The following MLIP variants were observed in gnomAD, a reference collection of about 807,000 sequenced individuals.
The protein encoded by MLIP is muscular LMNA interacting protein.
MLIP carries 79 observed loss-of-function variants against 84.8 expected under a neutral mutation model. The observed-to-expected ratio is 0.93, with a 90% CI of 0.78 to 1.12. The LOEUF is 1.12. MLIP is among the 50% of genes most tolerant of loss of function. The probability of loss-of-function intolerance (pLI) is 0.00; values close to 1 mark genes in which losing one functional copy is unlikely to be tolerated. For missense variants in MLIP, 1,257 were observed against 1,160.6 expected, an observed-to-expected ratio of 1.08 and a Z score of -1.21; for synonymous variants, 504 against 463.0, an observed-to-expected ratio of 1.09 and a Z score of -1.14.
chr6:54,238,165 A>G (rs1781491756), intron 12 of MLIP, among the ~76,000 whole-genome samples: 1 of 152,170 alleles, frequency 6.6e-6, no homozygotes, highest in Non-Finnish European at 1.5e-5. Context: ...GCTCATTTAG[A>G]AAAATAATAT....
At chr6:54,231,447 C>T (rs900580863) in intron 12 of MLIP, among the ~76,000 whole-genome samples, 6 of 147,774 alleles carry the variant, frequency 4.1e-5, no homozygotes, top group African/African-American at 7.4e-5. Flanking sequence ...TGAAGTGTTT[C>T]GTACCTGAAG....
At chr6:54,262,914 T>C (rs1783478820) in intron 13 of MLIP, among the ~76,000 whole-genome samples, 1 of 151,990 alleles carries the variant, frequency 6.6e-6, no homozygotes, top group African/African-American at 2.4e-5. Context: ...TCAGAGAGAG[T>C]CTGGTTCTGA....
chr6:54,036,528 G>T (rs1415622660), intron 1 of MLIP, among the ~76,000 whole-genome samples: 1 of 151,902 alleles, frequency 6.6e-6, no homozygotes, highest in Non-Finnish European at 1.5e-5. Context: ...CTCTGGAATG[G>T]CTGTTCCCAA....
At chr6:54,182,063 T>C (rs1776928239) in intron 9 of MLIP, among the ~76,000 whole-genome samples, 1 of 152,200 alleles carries the variant, frequency 6.6e-6, no homozygotes, top group Non-Finnish European at 1.5e-5. Flanking sequence ...GGCTCTGAGC[T>C]CAGTGCAGTA....
intron 11 of MLIP, among the ~76,000 whole-genome samples, chr6:54,228,307 G>A (rs571366446): frequency 2.2e-4 from 33 of 151,012 alleles, no homozygotes; most frequent in Non-Finnish European, 7.4e-5. Flanking sequence ...GGATCATAAT[G>A]TATACAAACA....
intron 4 of MLIP, among the ~76,000 whole-genome samples, chr6:54,140,648 T>C (rs1264537895): frequency 6.6e-6 from 1 of 152,190 alleles, no homozygotes; most frequent in African/African-American, 2.4e-5. Context: ...TCTTGCTATA[T>C]TATCTCTTTA....
chr6:54,052,902 T>C (rs114324291), intron 1 of MLIP, among the ~76,000 whole-genome samples: 1 of 152,198 alleles, frequency 6.6e-6, no homozygotes, highest in Non-Finnish European at 1.5e-5. Context: ...GGTCTCATAT[T>C]AATATGCTGG....
chr6:54,209,542 C>A (rs1339726493), intron 11 of MLIP, among the ~76,000 whole-genome samples: 1 of 152,040 alleles, frequency 6.6e-6, no homozygotes, highest in Non-Finnish European at 1.5e-5. Flanking sequence ...GAAAGGGAGA[C>A]CTATACTAAG....
At chr6:54,099,982 G>A (rs775313001) in intron 1 of MLIP, among the ~76,000 whole-genome samples, 4 of 152,104 alleles carry the variant, frequency 2.6e-5, no homozygotes, top group Admixed American at 1.3e-4. Flanking sequence ...TTCAGTAATC[G>A]TTTTTATGAA....
At chr6:54,235,368 A>G (rs1484458068) in intron 12 of MLIP, among the ~76,000 whole-genome samples, 3 of 152,182 alleles carry the variant, frequency 2.0e-5, no homozygotes, top group African/African-American at 7.2e-5. Flanking sequence ...TTGTACTTTA[A>G]GTCCAAGTTA....
At chr6:54,150,516 A>G (rs1773331793) in intron 5 of MLIP, among the ~76,000 whole-genome samples, 1 of 152,152 alleles carries the variant, frequency 6.6e-6, no homozygotes, top group Admixed American at 6.5e-5. Flanking sequence ...CCTGGTCACA[A>G]GTGTGTGCTT....
At chr6:54,235,935 A>G (rs1047651479) in intron 12 of MLIP, among the ~76,000 whole-genome samples, 1 of 152,134 alleles carries the variant, frequency 6.6e-6, no homozygotes, top group African/African-American at 2.4e-5. Flanking sequence ...CTAGCATGGC[A>G]TGTCCTTATC....
upstream of MLIP, chr6:54,111,372 T>G (rs1176891249): frequency 6.8e-7 from 1 of 1,474,444 alleles, no homozygotes; most frequent in Admixed American, 2.3e-5. Flanking sequence ...CTGCTTTACC[T>G]CTTTTTAGAA....
chr6:54,054,440 A>C (rs1765536213), intron 1 of MLIP, among the ~76,000 whole-genome samples: 1 of 152,018 alleles, frequency 6.6e-6, no homozygotes, highest in Admixed American at 6.6e-5. Flanking sequence ...CAAAAAAAAA[A>C]AAAAAAAATG....
Position 54,066,267 on chromosome 6 carries a change from A to T in MLIP, c.63+47176A>T, listed in dbSNP as rs1464696332. 2.0e-5 allele frequency among the ~76,000 whole-genome samples: 2 copies of T among 99,628 alleles called. 1 individual carries two copies. Among genetic ancestry groups the T allele is most frequent in the Admixed American group, 1.9e-4 (2 of 10,692 alleles). The allele number at this position is 99,628 out of a possible 152,430, so 65.4% of individuals were successfully genotyped here. On this transcript the variant is annotated intron_variant, in intron 1 of 12. Coordinates refer to the MLIP transcript ENST00000274897. ...TACATATGAGCCTGCATGTGCACAC[A>T]CACACAGCCAGGTGTCCTTCTCAAA...
chr6:54,124,690 T>A lies in MLIP; in HGVS notation c.470T>A (p.Val157Asp). 2 of 1,614,158 alleles carry A rather than the reference T, an allele frequency of 1.2e-6. No homozygotes were observed. The highest frequency in any genetic ancestry group is 1.7e-6 in the Non-Finnish European group (2 of 1,180,012). Reference sequence around the variant, plus strand: ...GAAGATGAGGCTGCAAGCAGAAAAGTTGAACAAGGCCCCCCAGGGGGGATT... The same window carrying A: ...GAAGATGAGGCTGCAAGCAGAAAAGATGAACAAGGCCCCCCAGGGGGGATT... ...EGEDEAASRK[V>D]EQGPPGGIGT... Residue 157 changes from valine to aspartate, a missense_variant, in exon 3 of 14, where the codon GTT (valine) becomes GAT (aspartate). Coordinates refer to ENST00000502396, the MANE Select transcript of MLIP (RefSeq NM_001281747.2).
At position 54,138,075 on chromosome 6, in the gene MLIP, C is replaced by T. The variant is rs1049801288; in HGVS notation, c.2006C>T (p.Thr669Ile). 1.3e-6 allele frequency: 2 copies of T among 1,536,166 alleles called. No individual in the cohort carries two copies. The highest frequency in any genetic ancestry group is 1.7e-6 in the Non-Finnish European group (2 of 1,146,906). Residue 669 changes from threonine to isoleucine, a missense_variant, in exon 4 of 14, where the codon ACC becomes ATC. By Grantham distance (89) the Thr-to-Ile change is moderately conservative. Transcript: ENST00000502396. ...SSSLPHANLP[T>I]LVPQLSPSAL... ...TCTCTCCCTCATGCCAATCTGCCCA[C>T]CCTGGTGCCCCAGCTCAGTCCCTCA...
rs1317230118 is a variant in MLIP at position 54,171,992 on chromosome 6, A to G, written c.2544+2420A>G. 2.0e-5 allele frequency among the ~76,000 whole-genome samples: 3 copies of G among 151,572 alleles called. No individual in the cohort carries two copies. The Admixed American group carries it at 2.0e-4, about 10-fold the overall frequency. ...CGTCATTGACTTTGTAGATATTCTT[A>G]GATTAAACTCAAAAGCAGGGATCGT... On this transcript the variant is annotated intron_variant, in intron 9 of 13. Coordinates refer to ENST00000502396, the MANE Select transcript of MLIP (RefSeq NM_001281747.2).
chr6:54,094,281 T>TAA lies in MLIP; in HGVS notation c.64-27155_64-27154dup, dbSNP rs5876356. 2.5e-3 allele frequency among the ~76,000 whole-genome samples: 368 copies of TAA among 148,420 alleles called. 2 individuals carry two copies. Among genetic ancestry groups the TAA allele is most frequent in the African/African-American group, 5.2e-3 (212 of 40,630 alleles). On this transcript the variant is annotated intron_variant, in intron 1 of 12. Coordinates refer to the MLIP transcript ENST00000274897. ...GAAGAATCTGAAACTTGCTGTAAGA[T>TAA]AAAAAAAAAAAATGAAGCTCTACAT... is the stretch of plus-strand genomic sequence containing the variant.
Sources: gnomAD v4.1 joint callset for allele counts (sites outside exome capture counted in the v4.1 genomes callset) on GRCh38, gnomAD v4.1.1 for gene constraint, MANE v1.5 for transcripts, NCBI Gene and HGNC (gene_info 2026-07-23, HGNC 2026-07-21) for gene names.